The following ECHDC1 variants were observed in gnomAD, a reference collection of about 807,000 sequenced individuals.
ECHDC1 encodes the protein ethylmalonyl-CoA decarboxylase 1.
In ECHDC1, 29 loss-of-function variants were observed where a neutral mutation model predicts 29.7. That is an observed-to-expected ratio of 0.98 (90% CI 0.73 to 1.33). ECHDC1 has a LOEUF of 1.33. ECHDC1 is among the 40% of genes most tolerant of loss of function. The pLI, the probability that ECHDC1 is intolerant of heterozygous loss-of-function variation, is 0.00. For missense variants in ECHDC1, 328 were observed against 350.0 expected, an observed-to-expected ratio of 0.94 and a Z score of 0.50; for synonymous variants, 126 against 123.1, an observed-to-expected ratio of 1.02 and a Z score of -0.15.
chr6:127,290,066 C>A lies in ECHDC1; in HGVS notation c.709G>T (p.Glu237Ter). Residue 237 changes from glutamate to a stop codon, truncating the protein, a stop_gained, in exon 6 of 6, where the codon GAA (glutamate) becomes TAA (stop). Coordinates refer to ENST00000454859, the MANE Select transcript of ECHDC1 (RefSeq NM_001002030.2). LOFTEE classifies it high-confidence loss of function. Reference sequence around the variant, plus strand: ...TGCTTTAGCCATTCTTGTGCCTCTTCTAGAGATTTAGTTTCATCTGAAGAC... The same window carrying A: ...TGCTTTAGCCATTCTTGTGCCTCTTATAGAGATTTAGTTTCATCTGAAGAC... ...LQSSDETKSL[E>*]EAQEWLKQFI... The A allele has an allele frequency of 6.2e-7, 1 of 1,613,660 alleles. No individual in the cohort carries two copies. Among genetic ancestry groups the A allele is most frequent in the Non-Finnish European group, 8.5e-7 (1 of 1,179,758 alleles).
chr6:127,330,698 C>A, intron 2 of ECHDC1, 111 bp downstream of exon 2: 4 of 817,552 alleles, frequency 4.9e-6, no homozygotes, highest in East Asian at 2.7e-5. Flanking sequence ...TCATGTTCTA[C>A]CAAGAGTACA....
intron 1 of ECHDC1, among the ~76,000 whole-genome samples, chr6:127,339,774 CAAAA>C (rs10588955): frequency 6.9e-5 from 9 of 130,334 alleles, no homozygotes; most frequent in Admixed American, 7.6e-5. Flanking sequence ...GACTCTGTCT[CAAAA>C]AAAAAAAAAA....
chr6:127,324,661 T>C (rs1216490489), intron 3 of ECHDC1, among the ~76,000 whole-genome samples: 1 of 152,134 alleles, frequency 6.6e-6, no homozygotes, highest in Admixed American at 6.5e-5. Flanking sequence ...CAAGATTAAC[T>C]TGGAGTATCT....
rs1582989936 is a variant in ECHDC1 at position 127,325,594 on chromosome 6, ATTAT to A, written c.363+1404_363+1407del. Among the ~76,000 whole-genome samples the A allele has an allele frequency of 2.0e-5, 3 of 152,084 alleles. No homozygotes were observed. In the East Asian group the frequency reaches 5.8e-4, roughly 29 times the overall value. ...GTTTCCTCCCACCCCTTTTATTATT[ATTAT>A]TATTAACTTTGTGTGTATGTGTAAC... On this transcript the variant is annotated intron_variant, in intron 3 of 5. Coordinates refer to ENST00000454859, the MANE Select transcript of ECHDC1 (RefSeq NM_001002030.2).
intron 5 of ECHDC1, among the ~76,000 whole-genome samples, chr6:127,301,887 G>A (rs902857164): frequency 2.0e-5 from 3 of 152,122 alleles, no homozygotes; most frequent in African/African-American, 7.2e-5. Context: ...AAGACACAAG[G>A]TTTGTGAATG....
intron 3 of ECHDC1, among the ~76,000 whole-genome samples, chr6:127,322,646 G>GTATATATATATATATATA (rs60212728): frequency 5.4e-5 from 8 of 149,298 alleles, no homozygotes; most frequent in African/African-American, 1.7e-4. Context: ...ATATATGTGT[G>GTATATATATATATATATA]TATATATATA....
At chr6:127,340,483 A>T (rs931144395) in intron 1 of ECHDC1, among the ~76,000 whole-genome samples, 8 of 152,222 alleles carry the variant, frequency 5.3e-5, no homozygotes, top group African/African-American at 1.9e-4. Flanking sequence ...GTTCCTTAGG[A>T]ATGCTTCTAG....
chr6:127,331,762 C>A, intron 1 of ECHDC1: 5 of 907,118 alleles, frequency 5.5e-6, no homozygotes, highest in Non-Finnish European at 6.6e-6. Context: ...GAAACAGCCT[C>A]TATGCAGAAA....
chr6:127,304,519 G>A lies in ECHDC1; in HGVS notation c.497+10297C>T, dbSNP rs1412288184. 3.3e-5 allele frequency among the ~76,000 whole-genome samples: 5 copies of A among 152,168 alleles called. No individual in the cohort carries two copies. The South Asian group carries it at 1.0e-3, about 32-fold the overall frequency. ...AAGAACATCTACAAGTACCAAGGCC[G>A]CCTAGGAAAACATGTACCCACCAAA... On this transcript the variant is annotated intron_variant, in intron 5 of 5. Transcript: ENST00000454859.
chr6:127,292,709 C>G (rs954011909), intron 5 of ECHDC1, among the ~76,000 whole-genome samples: 1 of 151,906 alleles, frequency 6.6e-6, no homozygotes, highest in African/African-American at 2.4e-5. Flanking sequence ...ATATTAACAA[C>G]AAGATATATC....
At chr6:127,330,011 G>C in intron 2 of ECHDC1, 1 of 272,728 alleles carries the variant, frequency 3.7e-6, no homozygotes, top group South Asian at 3.2e-5. Flanking sequence ...AAAATTTTGT[G>C]AGATTTTCTG....
At chr6:127,315,228 C>G in intron 4 of ECHDC1, 1 of 465,384 alleles carries the variant, frequency 2.1e-6, no homozygotes, top group South Asian at 1.6e-5. Flanking sequence ...GCTCCTGGAA[C>G]TTCTCAGCAG....
intron 5 of ECHDC1, among the ~76,000 whole-genome samples, chr6:127,300,632 C>G (rs1037417515): frequency 2.0e-5 from 3 of 152,168 alleles, no homozygotes; most frequent in Non-Finnish European, 4.4e-5. Flanking sequence ...GGAGCAAAGA[C>G]TCATCCCCCA....
rs117098607 is a variant in ECHDC1 at position 127,332,957 on chromosome 6, T to G, written c.-2-1927A>C. Among the ~76,000 whole-genome samples the G allele has an allele frequency of 7.5e-3, 1,135 of 152,300 alleles. 19 individuals carry two copies. The highest frequency in any genetic ancestry group is 0.054 in the South Asian group (262 of 4,830). ...ATAGGTATATGCCAACATGCCAAGC[T>G]AATTTTTCTATTTTTAGTAAAGACA... On this transcript the variant is annotated intron_variant, in intron 1 of 5. Transcript: ENST00000454859.
chr6:127,294,073 G>GTT (rs1445411196), intron 5 of ECHDC1, among the ~76,000 whole-genome samples: 1 of 152,262 alleles, frequency 6.6e-6, no homozygotes, highest in South Asian at 2.1e-4. Context: ...AGGTAAGACA[G>GTT]TTATCCCTCT....
chr6:127,326,686 C>T, intron 3 of ECHDC1: 1 of 364,008 alleles, frequency 2.7e-6, no homozygotes, highest in Non-Finnish European at 5.4e-6. Context: ...GTAACATTAA[C>T]AGCAAGAGAG....
chr6:127,330,269 A>C (rs1583002154), intron 2 of ECHDC1, among the ~76,000 whole-genome samples: 1 of 152,212 alleles, frequency 6.6e-6, no homozygotes, highest in East Asian at 1.9e-4. Context: ...GTTGACTAGA[A>C]AATAGAAGGC....
At chr6:127,293,742 C>G (rs748465727) in intron 5 of ECHDC1, among the ~76,000 whole-genome samples, 1 of 152,084 alleles carries the variant, frequency 6.6e-6, no homozygotes, top group Non-Finnish European at 1.5e-5. Flanking sequence ...ACATAATAAA[C>G]TCTGTATACT....
intron 1 of ECHDC1, among the ~76,000 whole-genome samples, chr6:127,333,270 G>A (rs941648299): frequency 6.6e-6 from 1 of 152,138 alleles, no homozygotes; most frequent in African/African-American, 2.4e-5. Context: ...ATCTTATTTA[G>A]GAATAATATA....
Sources: gnomAD v4.1 joint callset for allele counts (sites outside exome capture counted in the v4.1 genomes callset) on GRCh38, gnomAD v4.1.1 for gene constraint, MANE v1.5 for transcripts, NCBI Gene and HGNC (gene_info 2026-07-23, HGNC 2026-07-21) for gene names.